Variants in VAV1 observed in about 807,000 individuals in gnomAD.
VAV1 encodes the protein proto-oncogene vav.
VAV1 carries 33 observed loss-of-function variants against 128.1 expected under a neutral mutation model. The observed-to-expected ratio is 0.26, with a 90% CI of 0.20 to 0.34. The LOEUF (loss-of-function observed/expected upper bound fraction) is 0.34. Among genes scored for constraint, VAV1 ranks in the 10% least tolerant of loss-of-function variants. The probability of loss-of-function intolerance (pLI) is 1.00; values close to 1 mark genes in which losing one functional copy is unlikely to be tolerated. For synonymous variants in VAV1, 394 were observed against 409.8 expected (o/e 0.96, Z 0.47); for missense variants, 715 against 1,093.7 (o/e 0.65, Z 4.88).
rs1310680661 is a variant in VAV1, at chr19:6,826,877, GAGA to G, written c.927+171_927+173del. 2.4e-5 allele frequency: 15 copies of G among 634,630 alleles called. No homozygotes were observed. Among genetic ancestry groups the G allele is most frequent in the Admixed American group, 7.9e-5 (3 of 38,152 alleles). 39.3% of individuals were successfully genotyped at this position (634,630 alleles called of 1,614,324 possible). A position where few individuals can be genotyped will look rare whatever the true frequency, so the allele number is the denominator to read the frequency against. ...ACTAGCCAGCCAAGCAGAGGAAATG[GAGA>G]AGAACAGAAATGGGCTGGCCCTGGG... is the stretch of plus-strand genomic sequence containing the variant. On this transcript the variant is annotated intron_variant, in intron 9 of 26. Transcript: ENST00000602142. The surrounding 1 kb of genome is among the most constrained non-coding windows in gnomAD (Gnocchi z 4.1).
intron 1 of VAV1, among the ~76,000 whole-genome samples, chr19:6,812,769 C>T (rs1971541077): frequency 1.3e-5 from 2 of 151,826 alleles, no homozygotes; most frequent in Admixed American, 1.3e-4. Flanking sequence ...GTCATGAATA[C>T]TATTGTGGTA....
In VAV1 at chr19:6,832,094, A is replaced by G. The variant is rs774877233; in HGVS notation, c.1402A>G (p.Ser468Gly). Reference protein sequence around the residue: ...SSGDRDNKKWSHMFLLIEDQG... With the variant: ...SSGDRDNKKWGHMFLLIEDQG... ...TCTGAGCTCTGCTTCCCTGCAGTGGAGCCACATGTTCCTCCTGATCGAGGA... is the reference window on the plus strand; with the variant it reads ...TCTGAGCTCTGCTTCCCTGCAGTGGGGCCACATGTTCCTCCTGATCGAGGA... The change falls in exon 15 of 27, where the codon AGC becomes GGC. Residue 468 changes from serine (S) to glycine (G), a missense_variant. Physicochemically the swap from Ser to Gly is moderately conservative, Grantham distance 56. This residue lies in a region of VAV1 where 407 missense variants were observed against 580.6 expected (regional missense o/e 0.70). Coordinates refer to ENST00000602142, the MANE Select transcript of VAV1 (RefSeq NM_005428.4). 2 of 1,613,852 alleles carry G rather than the reference A, an allele frequency of 1.2e-6. No homozygotes were observed. Among genetic ancestry groups the G allele is most frequent in the Non-Finnish European group, 1.7e-6 (2 of 1,179,970 alleles).
intron 22 of VAV1, among the ~76,000 whole-genome samples, chr19:6,843,409 AATG>A (rs995113836): frequency 1.3e-5 from 2 of 152,074 alleles, no homozygotes; most frequent in African/African-American, 4.8e-5. Flanking sequence ...CGATGATGAC[AATG>A]ATGATGATGA....
At chr19:6,799,590 T>C (rs531785541) in intron 1 of VAV1, among the ~76,000 whole-genome samples, 2 of 152,178 alleles carry the variant, frequency 1.3e-5, no homozygotes, top group Non-Finnish European at 2.9e-5. Context: ...CTCCGAATGC[T>C]ATCCCTCTCC....
chr19:6,822,329 G>C lies in VAV1; in HGVS notation c.558G>C (p.Pro186=). Residue 186 remains proline (P), a splice_region_variant and synonymous_variant, in exon 5 of 27, where the codon CCG becomes CCC. Coordinates refer to ENST00000602142, the MANE Select transcript of VAV1 (RefSeq NM_005428.4). This position sits in a 1 kb window ranked among gnomAD's most constrained non-coding sequence, Gnocchi z 5.9. ...TGCGCTCGGAGCCCGTGTCCATGCC[G>C]GTGCGTGACGTGGAGGGTCGGGCCT... ...DLMRSEPVSM[P]PKMTEYDKRC... 1.3e-6 allele frequency: 2 copies of C among 1,572,918 alleles called. No individual in the cohort carries two copies. The highest frequency in any genetic ancestry group is 8.6e-7 in the Non-Finnish European group (1 of 1,160,094).
At chr19:6,835,620 A>G (rs1972202860) in intron 19 of VAV1, among the ~76,000 whole-genome samples, 1 of 152,232 alleles carries the variant, frequency 6.6e-6, no homozygotes, top group Non-Finnish European at 1.5e-5. Context: ...TTCTATAAAT[A>G]AAATCATACA....
intron 1 of VAV1, chr19:6,816,511 G>A (rs371399398): frequency 0.071 from 10,409 of 147,022 alleles, 739 homozygotes; most frequent in African/African-American, 0.17. Context: ...TCTCTCACAC[G>A]CACACAGACA....
intron 19 of VAV1, among the ~76,000 whole-genome samples, chr19:6,835,391 G>T (rs1254123980): frequency 4.6e-5 from 7 of 152,104 alleles, no homozygotes. Flanking sequence ...GAACTGCACT[G>T]TGTAATATAA....
At position 6,772,814 on chromosome 19, in the gene VAV1, C is replaced by T. The variant is rs1219661164; in HGVS notation, c.7C>T (p.Leu3=). The change falls in exon 1 of 27, where the codon CTG becomes TTG. Residue 3 remains leucine (L), a synonymous_variant. Transcript: ENST00000602142. This position sits in a 1 kb window ranked among gnomAD's most constrained non-coding sequence, Gnocchi z 4.8. ME[L]WRQCTHWLIQ... is the part of the protein sequence containing the mutation. ...CCCTGGGCAGGCGGTAGCCATGGAG[C>T]TGTGGCGCCAATGCACCCACTGGCT... 1.9e-6 allele frequency: 3 copies of T among 1,613,428 alleles called. No homozygotes were observed. The highest frequency in any genetic ancestry group is 2.5e-6 in the Non-Finnish European group (3 of 1,179,774).
At chr19:6,850,887 C>T (rs777525198) in intron 24 of VAV1, 130 bp downstream of exon 24, 59 of 739,654 alleles carry the variant, frequency 8.0e-5, no homozygotes, top group Non-Finnish European at 1.2e-4. Flanking sequence ...GTGCAAGTGA[C>T]CTTAAACTTA....
At chr19:6,844,851 T>C (rs913199512) in intron 22 of VAV1, among the ~76,000 whole-genome samples, 2 of 151,312 alleles carry the variant, frequency 1.3e-5, no homozygotes, top group African/African-American at 4.9e-5. Context: ...TAATGCAACA[T>C]TAAAAAAAAT....
At chr19:6,856,729 A>AG (rs1421312133) in intron 26 of VAV1, among the ~76,000 whole-genome samples, 15 of 147,764 alleles carry the variant, frequency 1.0e-4, no homozygotes, top group Non-Finnish European at 1.9e-4. Context: ...GTCTCAAAAA[A>AG]GAAAAAAAAA....
intron 1 of VAV1, among the ~76,000 whole-genome samples, chr19:6,791,412 G>GAGGTCCTTGAGCTATCTCATCTCA (rs1172762392): frequency 6.6e-5 from 10 of 151,560 alleles, no homozygotes; most frequent in Non-Finnish European, 1.3e-4. Context: ...TCCTCATCTC[G>GAGGTCCTTGAGCTATCTCATCTCA]AGGTCCTTGA....
chr19:6,823,216 A>G (rs1410179523), intron 6 of VAV1, among the ~76,000 whole-genome samples: 1 of 149,704 alleles, frequency 6.7e-6, no homozygotes, highest in Non-Finnish European at 1.5e-5. Context: ...ATCTCTGCCT[A>G]CCGGGCTCAA....
In VAV1 at chr19:6,822,588, C is replaced by T. The variant is rs1015909098; in HGVS notation, c.654+74C>T. The T allele has an allele frequency of 2.7e-5, 37 of 1,359,828 alleles. No homozygotes were observed. The highest frequency in any genetic ancestry group is 2.5e-4 in the Middle Eastern group (1 of 4,024). 84.2% of individuals were successfully genotyped at this position (1,359,828 alleles called of 1,614,324 possible). On this transcript the variant is annotated intron_variant, in intron 6 of 26. Coordinates refer to ENST00000602142, the MANE Select transcript of VAV1 (RefSeq NM_005428.4). This position sits in a 1 kb window ranked among gnomAD's most constrained non-coding sequence, Gnocchi z 5.9. ...GCCGGCAGGTGCACGTCCACCTGTC[C>T]GGCCGCTCTGGGCAGCTGAGGATTT...
At chr19:6,855,612 T>C (rs558403353) in intron 26 of VAV1, among the ~76,000 whole-genome samples, 73 of 151,832 alleles carry the variant, frequency 4.8e-4, no homozygotes, top group Admixed American at 8.5e-4. Flanking sequence ...CCAGCCAACA[T>C]CTATTCATCC....
intron 6 of VAV1, among the ~76,000 whole-genome samples, chr19:6,824,700 T>G (rs771744357): frequency 2.0e-5 from 3 of 152,014 alleles, no homozygotes; most frequent in Non-Finnish European, 4.4e-5. Flanking sequence ...CCCAGCTTAT[T>G]TTTGTAGTTT....
chr19:6,814,695 T>TCTTTCTTTCTTTCTTA (rs1971598804), intron 1 of VAV1, among the ~76,000 whole-genome samples: 1 of 121,126 alleles, frequency 8.3e-6, no homozygotes, highest in Non-Finnish European at 1.6e-5. Flanking sequence ...TTTCTTTCTT[T>TCTTTCTTTCTTTCTTA]CTTTCTTTCT....
intron 4 of VAV1, 113 bp downstream of exon 4, chr19:6,821,972 G>T: frequency 7.0e-7 from 1 of 1,425,110 alleles, no homozygotes; most frequent in Non-Finnish European, 9.9e-7. Context: ...CCTGGTGTCT[G>T]GGGCACACAA....
Sources: gnomAD v4.1 joint callset for allele counts (sites outside exome capture counted in the v4.1 genomes callset) on GRCh38, gnomAD v4.1.1 for gene constraint, gnomAD v4.1.1 regional missense constraint, Gnocchi (gnomAD v3.1) non-coding constraint, MANE v1.5 for transcripts, NCBI Gene and HGNC (gene_info 2026-07-23, HGNC 2026-07-21) for gene names.